The following FHIT variants were observed in gnomAD, a reference collection of about 807,000 sequenced individuals.
FHIT encodes the protein bis(5'-adenosyl)-triphosphatase.
A neutral mutation model predicts 17.9 loss-of-function variants in FHIT; 19 were observed. The ratio of observed to expected loss-of-function variants is 1.06; its 90% CI spans 0.74 to 1.56. The LOEUF (loss-of-function observed/expected upper bound fraction) is 1.56. Ranked by LOEUF, FHIT falls within the 40% of genes most tolerant of loss-of-function variation. The pLI is 0.00. For synonymous variants in FHIT, 81 were observed against 69.7 expected (o/e 1.16, Z -0.81); for missense variants, 248 against 189.2 (o/e 1.31, Z -1.82).
At chr3:60,749,832 A>C (rs1423178902) in intron 4 of FHIT, among the ~76,000 whole-genome samples, 1 of 152,212 alleles carries the variant, frequency 6.6e-6, no homozygotes, top group Non-Finnish European at 1.5e-5. Flanking sequence ...TAGAGAAAGA[A>C]GACTAGAAGG....
intron 5 of FHIT, among the ~76,000 whole-genome samples, chr3:60,159,998 A>G (rs4679516): frequency 0.43 from 65,862 of 151,994 alleles, 14,533 homozygotes; most frequent in African/African-American, 0.49. Context: ...CGGACATAGG[A>G]TAAGACTTAA....
intron 5 of FHIT, among the ~76,000 whole-genome samples, chr3:60,121,146 A>T (rs1198530317): frequency 6.6e-6 from 1 of 152,130 alleles, no homozygotes; most frequent in East Asian, 1.9e-4. Context: ...GGCAATTTAA[A>T]CTACCCCTAT....
At chr3:60,981,928 G>A (rs576212944) in intron 3 of FHIT, among the ~76,000 whole-genome samples, 35 of 152,242 alleles carry the variant, frequency 2.3e-4, no homozygotes, top group African/African-American at 7.5e-4. Flanking sequence ...TAAGAAAGAC[G>A]TGTCAATTTT....
At chr3:60,967,469 T>C (rs1709798548) in intron 3 of FHIT, among the ~76,000 whole-genome samples, 1 of 152,200 alleles carries the variant, frequency 6.6e-6, no homozygotes, top group Non-Finnish European at 1.5e-5. Context: ...AAAGACTAGA[T>C]ACCAAGTTGA....
chr3:60,656,565 G>C (rs1553689654), intron 4 of FHIT, among the ~76,000 whole-genome samples: 1 of 152,138 alleles, frequency 6.6e-6, no homozygotes, highest in African/African-American at 2.4e-5. Context: ...AAACAAACTT[G>C]TCAAGCGCTC....
At chr3:61,111,808 C>T (rs951522448) in intron 2 of FHIT, among the ~76,000 whole-genome samples, 1 of 152,102 alleles carries the variant, frequency 6.6e-6, no homozygotes, top group Non-Finnish European at 1.5e-5. Flanking sequence ...CGTATGTGCA[C>T]GTATATAATT....
intron 3 of FHIT, among the ~76,000 whole-genome samples, chr3:60,957,428 G>A (rs1167739249): frequency 3.3e-5 from 5 of 151,908 alleles, no homozygotes; most frequent in African/African-American, 9.6e-5. Context: ...TAGTAGAGAT[G>A]GGGTTTCACC....
At chr3:59,873,884 G>A (rs552602296) in intron 8 of FHIT, among the ~76,000 whole-genome samples, 6 of 152,040 alleles carry the variant, frequency 3.9e-5, no homozygotes, top group African/African-American at 4.8e-5. Flanking sequence ...TAAATCTCCC[G>A]AGACAGCAAC....
chr3:61,193,825 C>T (rs1462910011), intron 2 of FHIT, among the ~76,000 whole-genome samples: 1 of 152,136 alleles, frequency 6.6e-6, no homozygotes, highest in African/African-American at 2.4e-5. Flanking sequence ...ACAAGAGTCA[C>T]AGCCAACATT....
At chr3:60,129,042 C>CTTTTTTTTTTTTTTTTTT (rs1360333142) in intron 5 of FHIT, among the ~76,000 whole-genome samples, 2 of 113,012 alleles carry the variant, frequency 1.8e-5, no homozygotes, top group African/African-American at 6.8e-5. Context: ...TTCTTCTTTC[C>CTTTTTTTTTTTTTTTTTT]TTTTTTGTTT....
At chr3:59,753,360 G>A (rs571673367) in intron 8 of FHIT, among the ~76,000 whole-genome samples, 1 of 152,100 alleles carries the variant, frequency 6.6e-6, no homozygotes, top group Non-Finnish European at 1.5e-5. Flanking sequence ...TCAGATTACA[G>A]GCATATTTAA....
At chr3:60,447,885 C>T (rs956533493) in intron 5 of FHIT, among the ~76,000 whole-genome samples, 1 of 152,110 alleles carries the variant, frequency 6.6e-6, no homozygotes, top group Non-Finnish European at 1.5e-5. Flanking sequence ...CCAAATTATT[C>T]GATTACCATG....
At chr3:59,822,585 A>C (rs1423447670) in intron 8 of FHIT, among the ~76,000 whole-genome samples, 2 of 151,976 alleles carry the variant, frequency 1.3e-5, no homozygotes, top group African/African-American at 4.8e-5. Flanking sequence ...TTTTTTGACC[A>C]TTTGTACATT....
chr3:61,215,387 A>G (rs2039640332), intron 1 of FHIT, among the ~76,000 whole-genome samples: 1 of 152,230 alleles, frequency 6.6e-6, no homozygotes, highest in Non-Finnish European at 1.5e-5. Context: ...AGAAAGCCTC[A>G]TCATGAGTGA....
chr3:60,871,868 G>A (rs1338718782), intron 3 of FHIT, among the ~76,000 whole-genome samples: 1 of 151,754 alleles, frequency 6.6e-6, no homozygotes, highest in Non-Finnish European at 1.5e-5. Flanking sequence ...TTGCTTTGTT[G>A]CCCAGGTTGG....
intron 5 of FHIT, among the ~76,000 whole-genome samples, chr3:60,410,343 T>G (rs1329552808): frequency 6.6e-6 from 1 of 152,166 alleles, no homozygotes. Context: ...AAAGTCTATG[T>G]CTAAAGAGGA....
At chr3:60,358,686 C>T (rs1383871171) in intron 5 of FHIT, among the ~76,000 whole-genome samples, 3 of 152,180 alleles carry the variant, frequency 2.0e-5, no homozygotes, top group Non-Finnish European at 4.4e-5. Context: ...TAGGTCTATA[C>T]TTTCTAGTGC....
At chr3:59,949,763 T>C (rs550311391) in intron 7 of FHIT, among the ~76,000 whole-genome samples, 8 of 152,364 alleles carry the variant, frequency 5.3e-5, no homozygotes, top group Admixed American at 4.6e-4. Flanking sequence ...TGTGTTTACA[T>C]ATGAACATCA....
At chr3:60,624,903 T>TTTC (rs1553680344) in intron 4 of FHIT, among the ~76,000 whole-genome samples, 1 of 149,932 alleles carries the variant, frequency 6.7e-6, no homozygotes, top group Admixed American at 6.6e-5. Flanking sequence ...TAGTTTTTTT[T>TTTC]TTTGTTTGTT....
Sources: allele counts gnomAD v4.1 joint callset (sites outside exome capture counted in the v4.1 genomes callset), GRCh38; gene constraint gnomAD v4.1.1; transcripts MANE v1.5; gene names NCBI Gene and HGNC (gene_info 2026-07-23, HGNC 2026-07-21).